LAMP5: variants seen among roughly 807,000 people sequenced by gnomAD.
The protein encoded by LAMP5 is lysosome associated membrane protein 5.
Under a neutral mutation model 30.2 loss-of-function variants are expected in LAMP5, and 36 were observed. The observed-to-expected ratio is 1.19, with a 90% CI of 0.91 to 1.57. LAMP5 has a LOEUF of 1.57. LAMP5 is among the 40% of genes most tolerant of loss of function. The pLI is 0.00. For synonymous variants in LAMP5, 149 were observed against 134.6 expected (o/e 1.11, Z -0.74); for missense variants, 377 against 354.9 (o/e 1.06, Z -0.50).
intron 5 of LAMP5, among the ~76,000 whole-genome samples, chr20:9,521,401 A>C (rs2045078839): frequency 6.6e-6 from 1 of 152,184 alleles, no homozygotes; most frequent in African/African-American, 2.4e-5. Flanking sequence ...ATACAGCTGC[A>C]AATTTTCTTG....
chr20:9,524,427 T>A (rs1342868776), intron 5 of LAMP5, among the ~76,000 whole-genome samples: 1 of 151,666 alleles, frequency 6.6e-6, no homozygotes, highest in Non-Finnish European at 1.5e-5. Flanking sequence ...AACTTCTGCT[T>A]TAGTTCTCTG....
Position 9,516,139 on chromosome 20 carries a change from C to T in LAMP5, c.369+8C>T, listed in dbSNP as rs780535871. 1.3e-6 allele frequency: 2 copies of T among 1,570,544 alleles called. No individual in the cohort carries two copies. The highest frequency in any genetic ancestry group is 1.4e-5 in the African/African-American group (1 of 72,920). On this transcript the variant is annotated splice_region_variant and intron_variant, in intron 3 of 5. Coordinates refer to ENST00000246070, the MANE Select transcript of LAMP5 (RefSeq NM_012261.4). The stretch of plus-strand genomic sequence containing the variant: ...AAAATGCTCTTTGTAAAGGTAACTC[C>T]GAGCCCAGCGGGCAGAGGGGCCGCA...
At chr20:9,525,331 T>C (rs1402575621) in intron 5 of LAMP5, among the ~76,000 whole-genome samples, 1 of 152,206 alleles carries the variant, frequency 6.6e-6, no homozygotes, top group Non-Finnish European at 1.5e-5. Context: ...TAGTGAACAA[T>C]GACAGAAAAG....
chr20:9,527,558 C>G (rs1044477566), intron 5 of LAMP5, among the ~76,000 whole-genome samples: 1 of 152,134 alleles, frequency 6.6e-6, no homozygotes, highest in Non-Finnish European at 1.5e-5. Flanking sequence ...GACTGGAATA[C>G]AGTAGGTACT....
At chr20:9,515,181 T>G (rs1410490741) in intron 1 of LAMP5, among the ~76,000 whole-genome samples, 1 of 149,764 alleles carries the variant, frequency 6.7e-6, no homozygotes, top group Admixed American at 6.6e-5. Flanking sequence ...GCAAGAAATA[T>G]TTACTTTAAA....
chr20:9,521,643 G>A (rs1342611683), intron 5 of LAMP5, among the ~76,000 whole-genome samples: 1 of 152,104 alleles, frequency 6.6e-6, no homozygotes, highest in Non-Finnish European at 1.5e-5. Flanking sequence ...CTCATTTGGG[G>A]CTGATTACCT....
rs759816132 is a variant in LAMP5 at position 9,529,749 on chromosome 20, G to A, written c.772G>A (p.Val258Ile). 1.4e-5 allele frequency: 23 copies of A among 1,614,050 alleles called. No individual in the cohort carries two copies. The highest frequency in any genetic ancestry group is 1.7e-5 in the Non-Finnish European group (20 of 1,180,054). ...VIMVTLAIYH[V>I]HHKMTANQVQ... ...CATGGTAACACTCGCGATTTACCAC[G>A]TCCACCACAAAATGACTGCCAACCA... The change falls in exon 6 of 6, where the codon GTC (valine) becomes ATC (isoleucine). Residue 258 changes from valine to isoleucine, a missense_variant. Physicochemically the swap from Val to Ile is conservative, Grantham distance 29 (BLOSUM62 3). Transcript: ENST00000246070.
chr20:9,519,480 T>A (rs1487100592), intron 5 of LAMP5, among the ~76,000 whole-genome samples: 1 of 152,194 alleles, frequency 6.6e-6, no homozygotes, highest in Non-Finnish European at 1.5e-5. Flanking sequence ...AAAAGACAGG[T>A]GGAAGGATAG....
intron 4 of LAMP5, among the ~76,000 whole-genome samples, chr20:9,517,142 T>C (rs2045046460): frequency 6.6e-6 from 1 of 152,250 alleles, no homozygotes; most frequent in African/African-American, 2.4e-5. Context: ...TTTCACCCCT[T>C]TTTGTTATCA....
chr20:9,515,643 C>A lies in LAMP5; in HGVS notation c.237+18C>A, dbSNP rs780280553. On this transcript the variant is annotated intron_variant, in intron 2 of 5. Coordinates refer to ENST00000246070, the MANE Select transcript of LAMP5 (RefSeq NM_012261.4). Reference sequence around the variant, plus strand: ...ACGTAGATGTAAGGAATCTTTCCCCCCCCTCAGCTTGCTCCTAGGGCTCCA... The same window carrying A: ...ACGTAGATGTAAGGAATCTTTCCCCACCCTCAGCTTGCTCCTAGGGCTCCA... The A allele has an allele frequency of 1.2e-6, 2 of 1,612,076 alleles. No individual in the cohort carries two copies. The highest frequency in any genetic ancestry group is 1.3e-5 in the African/African-American group (1 of 74,878).
chr20:9,516,070 A>C lies in LAMP5; in HGVS notation c.308A>C (p.Gln103Pro). 1 of 1,547,424 alleles carries C rather than the reference A, an allele frequency of 6.5e-7. No homozygotes were observed. Among genetic ancestry groups the C allele is most frequent in the Non-Finnish European group, 8.7e-7 (1 of 1,153,432 alleles). ...GTGAAGGGCCGCTGTGGCCACAGCC[A>C]GTCGGAGCTGCAAGTGTTCTGGGTG... ...AEVKGRCGHS[Q>P]SELQVFWVDR... The change falls in exon 3 of 6, where the codon CAG becomes CCG. Residue 103 changes from glutamine (Q) to proline (P), a missense_variant. By Grantham distance (76) the Gln-to-Pro change is moderately conservative. Coordinates refer to ENST00000246070, the MANE Select transcript of LAMP5 (RefSeq NM_012261.4).
chr20:9,517,724 T>A (rs898858874), intron 4 of LAMP5, among the ~76,000 whole-genome samples: 3 of 151,952 alleles, frequency 2.0e-5, no homozygotes, highest in African/African-American at 7.3e-5. Flanking sequence ...CCTCTGAAAG[T>A]TTTGGGATTA....
intron 4 of LAMP5, 28 bp from the exon 5 acceptor site, chr20:9,518,012 T>TGCCAGCAGG: frequency 6.2e-7 from 1 of 1,610,014 alleles, no homozygotes. Flanking sequence ...ATGAGGGTTC[T>TGCCAGCAGG]AACTATTGCT....
intron 4 of LAMP5, among the ~76,000 whole-genome samples, 175 bp downstream of exon 4, chr20:9,516,536 T>C (rs2272949): frequency 0.11 from 16,808 of 152,080 alleles, 1,130 homozygotes; most frequent in Non-Finnish European, 0.15. Flanking sequence ...GTCTTCTGGG[T>C]CTCAGGCCTT....
rs770314595 is a variant in LAMP5 at position 9,518,062 on chromosome 20, G to A, written c.498G>A (p.Ser166=). 1.5e-4 allele frequency: 240 copies of A among 1,613,748 alleles called. No homozygotes were observed. The highest frequency in any genetic ancestry group is 1.9e-4 in the Non-Finnish European group (225 of 1,180,018). ...TAGCTGGGAAGCACACAGCCAACTC[G>A]CACCACCTCTCTGCCTTGGTCACCC... ...AVSAGKHTAN[S]HHLSALVTPA... The change falls in exon 5 of 6, where the codon TCG becomes TCA. Residue 166 remains serine, a synonymous_variant. Coordinates refer to ENST00000246070, the MANE Select transcript of LAMP5 (RefSeq NM_012261.4).
In LAMP5 at chr20:9,514,725, C is replaced by G. The variant is rs1422533491; in HGVS notation, c.-128C>G. On this transcript the variant is annotated 5_prime_UTR_variant, in exon 1 of 6. Coordinates refer to ENST00000246070, the MANE Select transcript of LAMP5 (RefSeq NM_012261.4). ...GCTAGGCGCTCACAGAATACGCGCT[C>G]CCTCCCTCCCCCTTCTCTGTCCCCC... The G allele has an allele frequency of 6.6e-6, 5 of 759,712 alleles. No individual in the cohort carries two copies. Among genetic ancestry groups the G allele is most frequent in the South Asian group, 1.7e-5 (1 of 58,990 alleles). The allele number at this position is 759,712 out of a possible 1,614,324, so 47.1% of individuals were successfully genotyped here. A position where few individuals can be genotyped will look rare whatever the true frequency, so the allele number is the denominator to read the frequency against.
chr20:9,518,531 A>G lies in LAMP5; in HGVS notation c.664+303A>G, dbSNP rs908358672. 2.1e-4 allele frequency among the ~76,000 whole-genome samples: 32 copies of G among 151,742 alleles called. 1 individual carries two copies. The highest frequency in any genetic ancestry group is 6.5e-4 in the African/African-American group (27 of 41,356). On this transcript the variant is annotated intron_variant, in intron 5 of 5. Coordinates refer to ENST00000246070, the MANE Select transcript of LAMP5 (RefSeq NM_012261.4). ...TCTTTACCTTCTTCCCTCCCTTCTT[A>G]TATTTCATCTTTCCCTCTCTCCCCA... is the stretch of plus-strand genomic sequence containing the variant.
At chr20:9,525,035 C>T (rs936282250) in intron 5 of LAMP5, among the ~76,000 whole-genome samples, 7 of 152,090 alleles carry the variant, frequency 4.6e-5, no homozygotes, top group African/African-American at 1.4e-4. Context: ...TTGATATCCT[C>T]TTTATATTGC....
chr20:9,528,841 A>G (rs2045131416), intron 5 of LAMP5, among the ~76,000 whole-genome samples: 1 of 152,214 alleles, frequency 6.6e-6, no homozygotes, highest in Non-Finnish European at 1.5e-5. Flanking sequence ...AAATGGAATC[A>G]TACAGTATGT....
Sources: allele counts gnomAD v4.1 joint callset (sites outside exome capture counted in the v4.1 genomes callset), GRCh38; gene constraint gnomAD v4.1.1; transcripts MANE v1.5; gene names NCBI Gene and HGNC (gene_info 2026-07-23, HGNC 2026-07-21).